THADA: variants seen among roughly 807,000 people sequenced by gnomAD.
THADA encodes THADA armadillo repeat containing.
Under a neutral mutation model 219.8 loss-of-function variants are expected in THADA, and 213 were observed. That is an observed-to-expected ratio of 0.97 (90% CI 0.87 to 1.09). THADA has a LOEUF of 1.09. THADA is among the 50% of genes least tolerant of loss of function. The probability of loss-of-function intolerance (pLI) is 0.00; values close to 1 mark genes in which losing one functional copy is unlikely to be tolerated. For missense variants in THADA, 2,956 were observed against 2,311.3 expected (o/e 1.28, Z -5.72); for synonymous variants, 1,018 against 828.9 (o/e 1.23, Z -3.92).
chr2:43,385,860 A>T (rs1269310102), intron 29 of THADA, among the ~76,000 whole-genome samples: 1 of 151,954 alleles, frequency 6.6e-6, no homozygotes, highest in Non-Finnish European at 1.5e-5. Context: ...AAACCTCTTA[A>T]ATCCATTTGA....
chr2:43,506,481 C>T (rs953940181), intron 23 of THADA, among the ~76,000 whole-genome samples: 2 of 152,078 alleles, frequency 1.3e-5, no homozygotes, highest in African/African-American at 4.8e-5. Context: ...CACAAAAGAT[C>T]GTATACTGTA....
chr2:43,252,558 T>C (rs572801488), intron 36 of THADA, among the ~76,000 whole-genome samples: 10 of 152,202 alleles, frequency 6.6e-5, no homozygotes, highest in South Asian at 2.1e-4. Flanking sequence ...ATGGCCTCTT[T>C]AATATTCCTA....
intron 9 of THADA, among the ~76,000 whole-genome samples, chr2:43,577,485 G>C (rs1301202240): frequency 2.0e-5 from 3 of 151,548 alleles, no homozygotes; most frequent in Non-Finnish European, 4.4e-5. Flanking sequence ...ATCGCCACCT[G>C]CAGGTGGATA....
rs563576273 is a variant in THADA, at chr2:43,432,020, C to A, written c.3837-1718G>T. 1.2e-3 allele frequency among the ~76,000 whole-genome samples: 151 copies of A among 129,342 alleles called. 14 individuals carry two copies. Among genetic ancestry groups the A allele is most frequent in the African/African-American group, 4.3e-3 (121 of 28,388 alleles). 84.9% of individuals were successfully genotyped at this position (129,342 alleles called of 152,430 possible). A position where few individuals can be genotyped will look rare whatever the true frequency, so the allele number is the denominator to read the frequency against. ...TACAGGCGCCCGCCACTACGCCCGG[C>A]TAATTTTTTGTATTTTTAGTAGAGA... On this transcript the variant is annotated intron_variant, in intron 26 of 37. Coordinates refer to ENST00000405975, the MANE Select transcript of THADA (RefSeq NM_022065.5).
intron 15 of THADA, 108 bp downstream of exon 15, chr2:43,566,590 C>T (rs754992268): frequency 6.9e-5 from 84 of 1,212,898 alleles, no homozygotes; most frequent in Admixed American, 3.9e-5. Flanking sequence ...AAGAATGAAA[C>T]CTCAAAGAAA....
chr2:43,483,294 T>C (rs1573877131), intron 26 of THADA, among the ~76,000 whole-genome samples: 1 of 152,118 alleles, frequency 6.6e-6, no homozygotes, highest in Admixed American at 6.5e-5. Flanking sequence ...AAAGTTAATA[T>C]TGGAAGGAAC....
At chr2:43,346,112 T>C (rs915135640) in intron 29 of THADA, among the ~76,000 whole-genome samples, 1 of 151,552 alleles carries the variant, frequency 6.6e-6, no homozygotes, top group Admixed American at 6.6e-5. Context: ...GAAATAAGCA[T>C]GTCAAAGGGC....
chr2:43,358,165 A>G (rs1401876159), intron 29 of THADA, among the ~76,000 whole-genome samples: 2 of 152,178 alleles, frequency 1.3e-5, no homozygotes, highest in Non-Finnish European at 2.9e-5. Flanking sequence ...GACTACCACA[A>G]TCAAGATACA....
intron 29 of THADA, among the ~76,000 whole-genome samples, chr2:43,366,780 G>A (rs1670203934): frequency 6.6e-6 from 1 of 152,052 alleles, no homozygotes; most frequent in Admixed American, 6.5e-5. Context: ...TACATCTAGG[G>A]ATATATCCCA....
intron 4 of THADA, among the ~76,000 whole-genome samples, chr2:43,589,677 CA>C (rs1046220073): frequency 6.6e-6 from 1 of 152,086 alleles, no homozygotes; most frequent in African/African-American, 2.4e-5. Context: ...TTTGGAGACT[CA>C]GGGGAAAGGG....
At chr2:43,521,193 A>G (rs1692428725) in intron 22 of THADA, among the ~76,000 whole-genome samples, 1 of 151,224 alleles carries the variant, frequency 6.6e-6, no homozygotes, top group Admixed American at 6.6e-5. Context: ...AGAAGGAAGG[A>G]AAGAGGGAAG....
At chr2:43,502,233 T>A (rs1265227191) in intron 24 of THADA, among the ~76,000 whole-genome samples, 1 of 151,926 alleles carries the variant, frequency 6.6e-6, no homozygotes, top group Admixed American at 6.6e-5. Context: ...AATAATATGG[T>A]TTCATTTACA....
rs1361867645 is a variant in THADA, at chr2:43,320,518, T to C, written c.4366A>G (p.Arg1456Gly). The C allele has an allele frequency of 1.2e-6, 2 of 1,611,908 alleles. No individual in the cohort carries two copies. The highest frequency in any genetic ancestry group is 1.7e-6 in the Non-Finnish European group (2 of 1,178,852). ...AKRQNPCLVT[R>G]AVYIDILFLL... is the part of the protein sequence containing the mutation. ...AAGAGAATATCAATATATACAGCTC[T>C]GGTCACCAAACATGGATTTTGCCTA... The change falls in exon 31 of 38, where the codon AGA becomes GGA. Residue 1456 changes from arginine to glycine, a missense_variant. By Grantham distance (125) the Arg-to-Gly change is moderately radical (BLOSUM62 -2). Transcript: ENST00000405975.
At chr2:43,432,544 G>A (rs1679502078) in intron 26 of THADA, among the ~76,000 whole-genome samples, 1 of 150,592 alleles carries the variant, frequency 6.6e-6, no homozygotes, top group Admixed American at 6.6e-5. Context: ...CATTTCTCCT[G>A]GATTAATATC....
intron 29 of THADA, among the ~76,000 whole-genome samples, chr2:43,368,798 C>T (rs1402058038): frequency 2.6e-5 from 4 of 152,152 alleles, no homozygotes; most frequent in Non-Finnish European, 5.9e-5. Context: ...TCAACTCAAA[C>T]ATAGTTTTTT....
intron 26 of THADA, among the ~76,000 whole-genome samples, chr2:43,452,541 T>C (rs530129125): frequency 6.6e-6 from 1 of 152,136 alleles, no homozygotes; most frequent in Admixed American, 6.5e-5. Flanking sequence ...GTGCCAGGCA[T>C]CTTCTTAACA....
chr2:43,539,993 C>G (rs923365621), intron 21 of THADA, among the ~76,000 whole-genome samples: 1 of 152,132 alleles, frequency 6.6e-6, no homozygotes, highest in Non-Finnish European at 1.5e-5. Flanking sequence ...GTTTTTTAAA[C>G]ACTACCCAAC....
chr2:43,553,418 G>T (rs188818040), intron 17 of THADA, among the ~76,000 whole-genome samples: 1 of 152,106 alleles, frequency 6.6e-6, no homozygotes. Flanking sequence ...TGGGATTAGT[G>T]TCCTTAAAAG....
At chr2:43,552,005 C>A (rs1230281505) in intron 18 of THADA, 80 bp from the exon 19 acceptor site, 2 of 1,567,600 alleles carry the variant, frequency 1.3e-6, no homozygotes, top group South Asian at 1.2e-5. Context: ...AAAGGATTGA[C>A]TTTGTGTTTC....
Sources: allele counts gnomAD v4.1 joint callset (sites outside exome capture counted in the v4.1 genomes callset), GRCh38; gene constraint gnomAD v4.1.1; transcripts MANE v1.5; gene names NCBI Gene and HGNC (gene_info 2026-07-23, HGNC 2026-07-21).